Variants in ELOVL2 observed in about 807,000 individuals in gnomAD.
ELOVL2 encodes very long chain fatty acid elongase 2.
ELOVL2 carries 38 observed loss-of-function variants against 37.7 expected under a neutral mutation model. The ratio of observed to expected loss-of-function variants is 1.01; its 90% CI spans 0.78 to 1.32. The LOEUF is 1.32. Among genes scored for constraint, ELOVL2 ranks in the 40% most tolerant of loss-of-function variants. The pLI is 0.00. For missense variants in ELOVL2, 352 were observed against 363.6 expected, an observed-to-expected ratio of 0.97 and a Z score of 0.26; for synonymous variants, 115 against 122.3, an observed-to-expected ratio of 0.94 and a Z score of 0.40.
At chr6:11,014,220 T>C (rs1235506957) in intron 1 of ELOVL2, among the ~76,000 whole-genome samples, 1 of 152,146 alleles carries the variant, frequency 6.6e-6, no homozygotes, top group Admixed American at 6.6e-5. Context: ...AACATACACC[T>C]ACCATATGAT....
intron 1 of ELOVL2, among the ~76,000 whole-genome samples, chr6:11,017,695 T>C (rs1782705430): frequency 6.6e-6 from 1 of 152,220 alleles, no homozygotes; most frequent in Admixed American, 6.5e-5. Flanking sequence ...GGGAAGCATC[T>C]GCTTGTGGCA....
intron 2 of ELOVL2, among the ~76,000 whole-genome samples, chr6:11,008,576 C>A (rs1782518844): frequency 6.6e-6 from 1 of 151,382 alleles, no homozygotes; most frequent in South Asian, 2.1e-4. Context: ...GTCCTGCATG[C>A]CTAAGGGAGG....
At chr6:11,004,694 T>C (rs1209652928) in intron 3 of ELOVL2, among the ~76,000 whole-genome samples, 1 of 152,192 alleles carries the variant, frequency 6.6e-6, no homozygotes, top group Admixed American at 6.5e-5. Flanking sequence ...ATATGATGTT[T>C]AAGTTAATTT....
chr6:10,997,342 T>C (rs564197203), intron 4 of ELOVL2, among the ~76,000 whole-genome samples: 2 of 152,338 alleles, frequency 1.3e-5, no homozygotes, highest in East Asian at 3.9e-4. Context: ...CTGTTGTCTA[T>C]CAACATTAAC....
Position 10,983,710 on chromosome 6 carries a change from TC to T in ELOVL2, c.*70del. On this transcript the variant is annotated 3_prime_UTR_variant, in exon 8 of 8. Transcript: ENST00000354666. ...TAGTTTATCCTAAAACATGTAACCT[TC>T]AATTCAGTCTTTGCTTTAAAACAAG... is the stretch of plus-strand genomic sequence containing the variant. 1.3e-6 allele frequency: 2 copies of T among 1,481,992 alleles called. No individual in the cohort carries two copies. The highest frequency in any genetic ancestry group is 4.9e-5 in the Admixed American group (2 of 41,170). 91.8% of individuals were successfully genotyped at this position (1,481,992 alleles called of 1,614,324 possible).
At chr6:11,002,555 G>A (rs1228653554) in intron 3 of ELOVL2, among the ~76,000 whole-genome samples, 1 of 152,170 alleles carries the variant, frequency 6.6e-6, no homozygotes, top group African/African-American at 2.4e-5. Flanking sequence ...ATTTTGAACT[G>A]AACTAAGTGA....
intron 1 of ELOVL2, among the ~76,000 whole-genome samples, chr6:11,029,133 C>T (rs1443811045): frequency 1.4e-5 from 2 of 142,120 alleles, no homozygotes; most frequent in Non-Finnish European, 3.0e-5. Flanking sequence ...GAGGCTGAGG[C>T]GCAAGAATTA....
chr6:11,006,554 C>G (rs1439515379), intron 2 of ELOVL2, among the ~76,000 whole-genome samples: 1 of 152,158 alleles, frequency 6.6e-6, no homozygotes, highest in African/African-American at 2.4e-5. Context: ...ATGGCCTTTT[C>G]TTGAATTTTT....
In ELOVL2 at chr6:10,984,166, C is replaced by T. The variant is rs187010099; in HGVS notation, c.766-260G>A. The stretch of plus-strand genomic sequence containing the variant: ...CCAAGTAGCTGGGACTACAGGTGCA[C>T]ACCACCATGCCCGGCTAATTTATGT... On this transcript the variant is annotated intron_variant, in intron 7 of 7. Transcript: ENST00000354666. Among the ~76,000 whole-genome samples the T allele has an allele frequency of 2.4e-3, 359 of 152,176 alleles. 1 individual carries two copies. The Middle Eastern group carries it at 0.031, about 13-fold the overall frequency.
intron 1 of ELOVL2, among the ~76,000 whole-genome samples, chr6:11,038,984 G>GT (rs138182053): frequency 0.016 from 2,493 of 152,336 alleles, 65 homozygotes; most frequent in African/African-American, 0.057. Flanking sequence ...AACTGTGTGT[G>GT]TGAATATGGT....
At chr6:11,031,554 T>G (rs1459933802) in intron 1 of ELOVL2, among the ~76,000 whole-genome samples, 2 of 152,212 alleles carry the variant, frequency 1.3e-5, no homozygotes, top group Non-Finnish European at 2.9e-5. Context: ...TGGCTTGTCT[T>G]CTGTTTATTG....
At chr6:11,039,050 AATC>A (rs2113569572) in intron 1 of ELOVL2, among the ~76,000 whole-genome samples, 1 of 152,334 alleles carries the variant, frequency 6.6e-6, no homozygotes, top group South Asian at 2.1e-4. Flanking sequence ...GGGTAGGTCT[AATC>A]ATGAAAGTAT....
chr6:11,009,748 G>C (rs952927827), intron 2 of ELOVL2, among the ~76,000 whole-genome samples: 8 of 152,220 alleles, frequency 5.3e-5, no homozygotes, highest in African/African-American at 1.7e-4. Context: ...GACAGCCCAA[G>C]GGTGCGCAGT....
intron 7 of ELOVL2, 150 bp downstream of exon 7, chr6:10,989,553 C>G: frequency 1.5e-6 from 1 of 661,320 alleles, no homozygotes; most frequent in Non-Finnish European, 2.5e-6. Context: ...GCAGGAGAAT[C>G]ACTTGAACCC....
At chr6:11,008,298 A>T (rs1782512739) in intron 2 of ELOVL2, among the ~76,000 whole-genome samples, 1 of 152,228 alleles carries the variant, frequency 6.6e-6, no homozygotes, top group Non-Finnish European at 1.5e-5. Flanking sequence ...CAGAGTAAAC[A>T]ACTGTAATCC....
In ELOVL2 at chr6:10,983,675, CAAAAG is replaced by C. The variant is rs889964843; in HGVS notation, c.*101_*105del. ...TCTGGGTACAAATGATTTATGAACT[CAAAAG>C]AAATTAGTTTATCCTAAAACATGTA... On this transcript the variant is annotated 3_prime_UTR_variant, in exon 8 of 8. Coordinates refer to ENST00000354666, the MANE Select transcript of ELOVL2 (RefSeq NM_017770.4). 4.3e-5 allele frequency: 53 copies of C among 1,246,824 alleles called. No individual in the cohort carries two copies. The African/African-American group carries it at 6.6e-4, about 15-fold the overall frequency. 77.2% of individuals were successfully genotyped at this position (1,246,824 alleles called of 1,614,324 possible). A position where few individuals can be genotyped will look rare whatever the true frequency, so the allele number is the denominator to read the frequency against.
In ELOVL2 at chr6:10,999,025, T is replaced by G. The variant is rs555029773; in HGVS notation, c.333+1062A>C. ...TATACACTTAATTTATCCCATAGTG[T>G]ACTATCACAGTGTCAAAAAAGCAAT... On this transcript the variant is annotated intron_variant, in intron 4 of 7. Transcript: ENST00000354666. 1.4e-4 allele frequency among the ~76,000 whole-genome samples: 21 copies of G among 152,302 alleles called. No individual in the cohort carries two copies. In the South Asian group the frequency reaches 4.3e-3, roughly 32 times the overall value.
chr6:10,991,988 ATGTC>A (rs1267128768), intron 5 of ELOVL2, among the ~76,000 whole-genome samples: 7 of 152,228 alleles, frequency 4.6e-5, no homozygotes, highest in East Asian at 1.9e-4. Flanking sequence ...TTACAGGACT[ATGTC>A]TGTACACAGT....
In ELOVL2 at chr6:10,982,741, T is replaced by A. The variant is rs1187010087; in HGVS notation, c.*1040A>T. ...ATCTTTCCAAGCTACTCCATCTTTT[T>A]CCTCCCAGCTTCAAAAACTTAAATA... On this transcript the variant is annotated 3_prime_UTR_variant, in exon 8 of 8. Coordinates refer to ENST00000354666, the MANE Select transcript of ELOVL2 (RefSeq NM_017770.4). 2.0e-5 allele frequency: 3 copies of A among 152,124 alleles called. No individual in the cohort carries two copies. 9.4% of individuals were successfully genotyped at this position (152,124 alleles called of 1,614,324 possible). A position where few individuals can be genotyped will look rare whatever the true frequency, so the allele number is the denominator to read the frequency against.
Sources: allele counts gnomAD v4.1 joint callset (sites outside exome capture counted in the v4.1 genomes callset), GRCh38; gene constraint gnomAD v4.1.1; transcripts MANE v1.5; gene names NCBI Gene and HGNC (gene_info 2026-07-23, HGNC 2026-07-21).